Variants in CSE1L observed in about 807,000 individuals in gnomAD.
CSE1L encodes exportin-2.
Under a neutral mutation model 120.4 loss-of-function variants are expected in CSE1L, and 24 were observed. The ratio of observed to expected loss-of-function variants is 0.20; its 90% CI spans 0.14 to 0.28. CSE1L has a LOEUF of 0.28. Among genes scored for constraint, CSE1L ranks in the 10% least tolerant of loss-of-function variants. The pLI is 1.00. For missense variants in CSE1L, 830 were observed against 1,145.2 expected, an observed-to-expected ratio of 0.72 and a Z score of 3.97; for synonymous variants, 402 against 398.3, an observed-to-expected ratio of 1.01 and a Z score of -0.11.
Position 49,096,379 on chromosome 20 carries a change from G to C in CSE1L, c.2857G>C (p.Ala953Pro), listed in dbSNP as rs931392636. 1.4e-5 allele frequency: 23 copies of C among 1,614,114 alleles called. No homozygotes were observed. Among genetic ancestry groups the C allele is most frequent in the Non-Finnish European group, 1.9e-5 (23 of 1,180,008 alleles). The change falls in exon 25 of 25, where the codon GCA becomes CCA. Residue 953 changes from alanine to proline, a missense_variant. Ala to Pro is a conservative substitution (Grantham distance 27). This residue lies in a region of CSE1L where 112 missense variants were observed against 200.0 expected (regional missense o/e 0.56). Transcript: ENST00000262982. ...ATCAATGGTGAGCACCAGCCTGAAT[G>C]CAGAAGCGCTCCAGTATCTCCAAGG... is the stretch of plus-strand genomic sequence containing the variant. ...VPSMVSTSLNAEALQYLQGYL... is the reference protein window; with the variant it reads ...VPSMVSTSLNPEALQYLQGYL...
intron 11 of CSE1L, among the ~76,000 whole-genome samples, 165 bp from the exon 12 acceptor site, chr20:49,075,149 ATTGT>A (rs2091960244): frequency 6.6e-6 from 1 of 150,586 alleles, no homozygotes; most frequent in Non-Finnish European, 1.5e-5. Context: ...TGTTTTTTTC[ATTGT>A]TTGTGTTGCT....
At chr20:49,053,193 A>G (rs2091781467) in intron 1 of CSE1L, among the ~76,000 whole-genome samples, 1 of 146,622 alleles carries the variant, frequency 6.8e-6, no homozygotes, top group Non-Finnish European at 1.5e-5. Flanking sequence ...AGATCTGTAA[A>G]TCTGCCCCTG....
intron 7 of CSE1L, among the ~76,000 whole-genome samples, chr20:49,069,798 G>A (rs1267729067): frequency 3.3e-5 from 5 of 152,206 alleles, no homozygotes; most frequent in Admixed American, 2.0e-4. Context: ...TAAGAAGGCA[G>A]TACTATGCCA....
intron 2 of CSE1L, among the ~76,000 whole-genome samples, chr20:49,059,333 A>G (rs1175381926): frequency 2.6e-5 from 4 of 152,058 alleles, no homozygotes; most frequent in Non-Finnish European, 5.9e-5. Context: ...AGATTCCATT[A>G]AAAACGTAGA....
chr20:49,080,716 T>A (rs2426120), intron 14 of CSE1L, among the ~76,000 whole-genome samples: 54,834 of 151,952 alleles, frequency 0.36, 10,718 homozygotes, highest in African/African-American at 0.53. Context: ...CCTCAGGCGA[T>A]CCGCCTGCCT....
At chr20:49,056,847 CTGTGTGTGTGTGTGTGTGTGTG>C (rs3223230) in intron 1 of CSE1L, among the ~76,000 whole-genome samples, 3 of 148,980 alleles carry the variant, frequency 2.0e-5, no homozygotes, top group East Asian at 2.0e-4. Context: ...ACTTCACATG[CTGTGTGTGTGTGTGTGTGTGTG>C]TGTGTGTGTG....
At chr20:49,052,242 T>C (rs2091771863) in intron 1 of CSE1L, among the ~76,000 whole-genome samples, 1 of 152,210 alleles carries the variant, frequency 6.6e-6, no homozygotes, top group Non-Finnish European at 1.5e-5. Context: ...AAATATGTAC[T>C]GTGTGCCAGG....
intron 14 of CSE1L, among the ~76,000 whole-genome samples, chr20:49,080,353 A>G (rs1255959872): frequency 6.7e-6 from 1 of 149,286 alleles, no homozygotes. Flanking sequence ...AGCTGGGACT[A>G]CAGGCGTCAG....
chr20:49,089,837 A>T (rs1234864878), intron 19 of CSE1L, 91 bp downstream of exon 19: 2 of 1,255,244 alleles, frequency 1.6e-6, no homozygotes, highest in Non-Finnish European at 2.2e-6. Flanking sequence ...ATTTAAAATA[A>T]ATTTAAGGCT....
chr20:49,068,732 C>T lies in CSE1L; in HGVS notation c.585C>T (p.Cys195=), dbSNP rs753433407. The change falls in exon 7 of 25, where the codon TGC becomes TGT. Residue 195 remains cysteine (C), a synonymous_variant. Transcript: ENST00000262982. ...TNLFKATIEL[C]STHANDASAL... Reference sequence around the variant, plus strand: ...TTTCCAAGGCCACTATTGAACTCTGCAGTACCCATGCAAATGATGCCTCTG... The same window carrying T: ...TTTCCAAGGCCACTATTGAACTCTGTAGTACCCATGCAAATGATGCCTCTG... 2.5e-6 allele frequency: 4 copies of T among 1,613,028 alleles called. No homozygotes were observed. The highest frequency in any genetic ancestry group is 3.4e-6 in the Non-Finnish European group (4 of 1,179,068).
At chr20:49,067,720 T>C (rs2091903644) in intron 6 of CSE1L, among the ~76,000 whole-genome samples, 1 of 151,778 alleles carries the variant, frequency 6.6e-6, no homozygotes, top group African/African-American at 2.4e-5. Flanking sequence ...TAAAGAAATA[T>C]ATATATACTT....
intron 1 of CSE1L, among the ~76,000 whole-genome samples, chr20:49,056,847 CTGTGTGTGTGTGTGTGTGTG>C (rs3223230): frequency 6.7e-6 from 1 of 148,980 alleles, no homozygotes; most frequent in Non-Finnish European, 1.5e-5. Flanking sequence ...ACTTCACATG[CTGTGTGTGTGTGTGTGTGTG>C]TGTGTGTGTG....
chr20:49,059,545 A>T (rs375876480), intron 2 of CSE1L, among the ~76,000 whole-genome samples: 15 of 152,282 alleles, frequency 9.9e-5, no homozygotes, highest in African/African-American at 2.9e-4. Flanking sequence ...AAGGATATTT[A>T]TATGAAGTGC....
At position 49,070,218 on chromosome 20, in the gene CSE1L, T is replaced by A. The variant is rs912785951; in HGVS notation, c.689T>A (p.Phe230Tyr). The A allele has an allele frequency of 2.1e-6, 3 of 1,449,240 alleles. No homozygotes were observed. The African/African-American group carries it at 4.3e-5, about 21-fold the overall frequency. 89.8% of individuals were successfully genotyped at this position (1,449,240 alleles called of 1,614,324 possible). Residue 230 changes from phenylalanine (F) to tyrosine (Y), a missense_variant, in exon 8 of 25, where the codon TTT becomes TAT. Phe to Tyr is a conservative substitution (Grantham distance 22). Transcript: ENST00000262982. ...YSLNFQDLPE[F>Y]FEDNMETWMN... The stretch of plus-strand genomic sequence containing the variant: ...TTTATTCTGTAGGATCTCCCTGAAT[T>A]TTTTGAAGATAATATGGAAACTTGG...
intron 5 of CSE1L, 62 bp downstream of exon 5, chr20:49,066,572 C>G: frequency 1.4e-6 from 2 of 1,453,184 alleles, no homozygotes; most frequent in African/African-American, 1.4e-5. Context: ...CTTGTGTAAA[C>G]AGTTGTGTTT....
intron 7 of CSE1L, among the ~76,000 whole-genome samples, chr20:49,069,911 G>C (rs1363908678): frequency 3.9e-5 from 6 of 152,218 alleles, no homozygotes; most frequent in Non-Finnish European, 8.8e-5. Context: ...TATGCACTGA[G>C]CTTGAGCTTT....
intron 2 of CSE1L, among the ~76,000 whole-genome samples, chr20:49,059,432 G>A (rs866453140): frequency 6.6e-6 from 1 of 152,110 alleles, no homozygotes; most frequent in African/African-American, 2.4e-5. Flanking sequence ...AATATCAGGA[G>A]AATACATGCC....
At position 49,063,326 on chromosome 20, in the gene CSE1L, T is replaced by C; in HGVS notation, c.210T>C (p.Ile70=). ...VCASVTFKNY[I]KRNWRIVEDE... ...CTTCAGTAACATTCAAAAACTATAT[T>C]AAAAGGAACTGGAGAATTGTAAGTA... The change falls in exon 3 of 25, where the codon ATT becomes ATC. Residue 70 remains isoleucine, a synonymous_variant. Coordinates refer to ENST00000262982, the MANE Select transcript of CSE1L (RefSeq NM_001316.4). 1 of 1,502,530 alleles carries C rather than the reference T, an allele frequency of 6.7e-7. No homozygotes were observed. The highest frequency in any genetic ancestry group is 9.0e-7 in the Non-Finnish European group (1 of 1,112,020). 93.1% of individuals were successfully genotyped at this position (1,502,530 alleles called of 1,614,324 possible).
chr20:49,048,566 A>AG (rs2091740441), intron 1 of CSE1L, among the ~76,000 whole-genome samples: 1 of 152,194 alleles, frequency 6.6e-6, no homozygotes, highest in Admixed American at 6.5e-5. Flanking sequence ...TTAAAAGGTG[A>AG]GGGGCAGAAC....
Sources: allele counts gnomAD v4.1 joint callset (sites outside exome capture counted in the v4.1 genomes callset), GRCh38; gene constraint gnomAD v4.1.1; regional missense constraint gnomAD v4.1.1; transcripts MANE v1.5; gene names NCBI Gene and HGNC (gene_info 2026-07-23, HGNC 2026-07-21).